MSI1: variants seen among roughly 807,000 people sequenced by gnomAD.
The protein encoded by MSI1 is RNA-binding protein Musashi homolog 1.
MSI1 carries 15 observed loss-of-function variants against 54.4 expected under a neutral mutation model. The ratio of observed to expected loss-of-function variants is 0.28; its 90% CI spans 0.18 to 0.42. MSI1 has a LOEUF of 0.42. Among genes scored for constraint, MSI1 ranks in the 20% least tolerant of loss-of-function variants. MSI1 has a pLI of 1.00. For missense variants in MSI1, 304 were observed against 506.0 expected, an observed-to-expected ratio of 0.60 and a Z score of 3.83; for synonymous variants, 200 against 196.5, an observed-to-expected ratio of 1.02 and a Z score of -0.15.
chr12:120,353,964 A>C (rs1874856391), intron 9 of MSI1, among the ~76,000 whole-genome samples: 1 of 152,112 alleles, frequency 6.6e-6, no homozygotes. Context: ...CATTATCTGA[A>C]CTTATATAAT....
intron 4 of MSI1, among the ~76,000 whole-genome samples, chr12:120,367,736 A>G (rs1592952248): frequency 6.6e-6 from 1 of 151,988 alleles, no homozygotes; most frequent in East Asian, 1.9e-4. Flanking sequence ...CATCATGATT[A>G]GTACTTCTAG....
rs1337094477 is a variant in MSI1, at chr12:120,363,125, C to T, written c.320G>A (p.Arg107Gln). ...CCCCCCCACAAAGATCTTCTTCGTT[C>T]GAGTCACCATCTGTTAGGGGAGGGA... is the stretch of plus-strand genomic sequence containing the variant. ...PRRAQPKMVT[R>Q]TKKIFVGGLS... Residue 107 changes from arginine (R) to glutamine (Q), a missense_variant, in exon 6 of 15, where the codon CGA (arginine) becomes CAA (glutamine). Arg to Gln is a conservative substitution (Grantham distance 43). Around this residue, in one of 4 missense-constraint regions of MSI1, gnomAD observed 105 missense variants for 230.1 expected, o/e 0.46. Transcript: ENST00000257552. 1.2e-5 allele frequency: 19 copies of T among 1,613,854 alleles called. No homozygotes were observed. Among genetic ancestry groups the T allele is most frequent in the Non-Finnish European group, 1.5e-5 (18 of 1,179,982 alleles).
intron 10 of MSI1, among the ~76,000 whole-genome samples, chr12:120,351,967 CA>C (rs1874647843): frequency 6.6e-6 from 1 of 150,960 alleles, no homozygotes; most frequent in Admixed American, 6.6e-5. Context: ...CTTGGCCTCC[CA>C]AAGTGCTGGG....
chr12:120,353,176 C>G (rs984047984), intron 10 of MSI1, 123 bp downstream of exon 10: 1 of 950,956 alleles, frequency 1.1e-6, no homozygotes. Flanking sequence ...CAGACATGCC[C>G]TTCCTTCCAA....
chr12:120,353,418 C>T, intron 9 of MSI1, 39 bp from the exon 10 acceptor site: 1 of 1,584,260 alleles, frequency 6.3e-7, no homozygotes, highest in Non-Finnish European at 8.7e-7. Context: ...GGCTCATCCA[C>T]AGGGCGGATC....
At chr12:120,357,923 G>T in intron 7 of MSI1, 25 bp from the exon 8 acceptor site, 1 of 1,610,792 alleles carries the variant, frequency 6.2e-7, no homozygotes, top group Non-Finnish European at 8.5e-7. Flanking sequence ...AAGGATAAAG[G>T]CAAGGTCAGA....
At chr12:120,346,984 C>T (rs931250918) in intron 12 of MSI1, among the ~76,000 whole-genome samples, 3 of 151,952 alleles carry the variant, frequency 2.0e-5, no homozygotes, top group Non-Finnish European at 2.9e-5. Context: ...GAGTCTCACT[C>T]TGTTGCCCAG....
rs1358119225 is a variant in MSI1 at position 120,368,155 on chromosome 12, G to T, written c.182+37C>A. 1 of 1,582,086 alleles carries T rather than the reference G, an allele frequency of 6.3e-7. No individual in the cohort carries two copies. Among genetic ancestry groups the T allele is most frequent in the African/African-American group, 1.3e-5 (1 of 74,302 alleles). On this transcript the variant is annotated intron_variant, in intron 3 of 14. Transcript: ENST00000257552. The surrounding 1 kb of genome is among the most constrained non-coding windows in gnomAD (Gnocchi z 6.6). ...GGCAGTGAGTGGCGGGTGGAGGGGG[G>T]CGAGCCGGGAGCAGGAGGAGGGGGT...
chr12:120,354,101 C>T (rs1874870923), intron 9 of MSI1, among the ~76,000 whole-genome samples: 1 of 152,042 alleles, frequency 6.6e-6, no homozygotes, highest in South Asian at 2.1e-4. Flanking sequence ...TCTCCTGCCT[C>T]AGCCTCCCTA....
rs11065094 is a variant in MSI1 at position 120,368,903 on chromosome 12, C to A, written c.60-30G>T. The A allele has an allele frequency of 1.4e-6, 2 of 1,387,094 alleles. No individual in the cohort carries two copies. Among genetic ancestry groups the A allele is most frequent in the African/African-American group, 1.5e-5 (1 of 66,126 alleles). The allele number at this position is 1,387,094 out of a possible 1,614,324, so 85.9% of individuals were successfully genotyped here. A position where few individuals can be genotyped will look rare whatever the true frequency, so the allele number is the denominator to read the frequency against. ...GGGAGGAGGAGAGACACAAAGGGCC[C>A]GCGTGAGCGCCGGGCGCCAGGGCGC... On this transcript the variant is annotated intron_variant, in intron 1 of 14. Transcript: ENST00000257552. This position sits in a 1 kb window ranked among gnomAD's most constrained non-coding sequence, Gnocchi z 6.6.
Position 120,364,660 on chromosome 12 carries a change from C to G in MSI1, c.309+54G>C, listed in dbSNP as rs200502069. On this transcript the variant is annotated intron_variant, in intron 5 of 14. Transcript: ENST00000257552. ...AGAGCAGGAAATACTGGGAAAATCA[C>G]TGCCCAGCATTGCCCATAGTAAGAG... 8.2e-4 allele frequency: 1,228 copies of G among 1,489,094 alleles called. 1 individual carries two copies. The highest frequency in any genetic ancestry group is 4.1e-3 in the Middle Eastern group (23 of 5,568). 92.2% of individuals were successfully genotyped at this position (1,489,094 alleles called of 1,614,324 possible). A position where few individuals can be genotyped will look rare whatever the true frequency, so the allele number is the denominator to read the frequency against.
Position 120,368,926 on chromosome 12 carries a change from C to A in MSI1, c.60-53G>T. On this transcript the variant is annotated intron_variant, in intron 1 of 14. Transcript: ENST00000257552. The surrounding 1 kb of genome is among the most constrained non-coding windows in gnomAD (Gnocchi z 6.6). ...CCCGCGTGAGCGCCGGGCGCCAGGG[C>A]GCAGGGGGCGCGGGCCCGGGCTCCG... The A allele has an allele frequency of 2.3e-6, 3 of 1,322,834 alleles. No homozygotes were observed. The highest frequency in any genetic ancestry group is 2.9e-5 in the Admixed American group (1 of 34,998). The allele number at this position is 1,322,834 out of a possible 1,614,324, so 81.9% of individuals were successfully genotyped here.
chr12:120,363,272 G>A lies in MSI1; in HGVS notation c.310-137C>T, dbSNP rs1356099789. On this transcript the variant is annotated intron_variant, in intron 5 of 14. Transcript: ENST00000257552. ...CAGCCTCTTTAAAGGCCCCCCCCCCGCAAGCTCCCTCTTGGACCCCCGCCT... is the reference window on the plus strand; with the variant it reads ...CAGCCTCTTTAAAGGCCCCCCCCCCACAAGCTCCCTCTTGGACCCCCGCCT... 112 of 502,136 alleles carry A rather than the reference G, an allele frequency of 2.2e-4. 1 individual carries two copies. In the Middle Eastern group the frequency reaches 3.1e-3, roughly 14 times the overall value. 31.1% of individuals were successfully genotyped at this position (502,136 alleles called of 1,614,324 possible).
chr12:120,339,805 G>A (rs1462255551), downstream of MSI1, among the ~76,000 whole-genome samples: 1 of 150,948 alleles, frequency 6.6e-6, no homozygotes, highest in Non-Finnish European at 1.5e-5. Context: ...TTGAGACAGG[G>A]TCTTGCTCTG....
At chr12:120,351,499 G>C in intron 10 of MSI1, 99 bp from the exon 11 acceptor site, 1 of 1,072,060 alleles carries the variant, frequency 9.3e-7, no homozygotes, top group South Asian at 1.4e-5. Flanking sequence ...TGGGTGAGGA[G>C]ACAGGCCATG....
chr12:120,357,291 G>T (rs751006130), intron 8 of MSI1, among the ~76,000 whole-genome samples: 16 of 152,186 alleles, frequency 1.1e-4, no homozygotes, highest in Non-Finnish European at 1.9e-4. Flanking sequence ...CTGAGGCTCA[G>T]AGAAGGGAGG....
chr12:120,339,712 G>A (rs1401641252), downstream of MSI1, among the ~76,000 whole-genome samples: 4 of 151,938 alleles, frequency 2.6e-5, no homozygotes, highest in Admixed American at 1.3e-4. Context: ...TGGAAGGAAA[G>A]GCAACATCCT....
At chr12:120,364,431 C>T (rs1284220858) in intron 5 of MSI1, among the ~76,000 whole-genome samples, 1 of 152,122 alleles carries the variant, frequency 6.6e-6, no homozygotes, top group Non-Finnish European at 1.5e-5. Context: ...CCAAACTCTA[C>T]TGGGTTCAAA....
At chr12:120,347,365 G>A in intron 12 of MSI1, 81 bp downstream of exon 12, 2 of 1,470,996 alleles carry the variant, frequency 1.4e-6, no homozygotes, top group Admixed American at 1.7e-5. Context: ...CAAAGGGGTG[G>A]CAGTGGCCTT....
Sources: allele counts gnomAD v4.1 joint callset (sites outside exome capture counted in the v4.1 genomes callset), GRCh38; gene constraint gnomAD v4.1.1; regional missense constraint gnomAD v4.1.1; non-coding constraint Gnocchi (gnomAD v3.1); transcripts MANE v1.5; gene names NCBI Gene and HGNC (gene_info 2026-07-23, HGNC 2026-07-21).